Variants in CACNA1H observed in about 807,000 individuals in gnomAD.
CACNA1H encodes voltage-dependent T-type calcium channel subunit alpha-1H.
A neutral mutation model predicts 192.5 loss-of-function variants in CACNA1H; 149 were observed. The observed-to-expected ratio is 0.77, with a 90% CI of 0.68 to 0.89. CACNA1H has a LOEUF of 0.89. CACNA1H is among the 40% of genes least tolerant of loss of function. The pLI is 0.00. For synonymous variants in CACNA1H, 2,202 were observed against 1,475.2 expected, an observed-to-expected ratio of 1.49 and a Z score of -11.29; for missense variants, 4,257 against 3,423.5, an observed-to-expected ratio of 1.24 and a Z score of -6.08.
intron 2 of CACNA1H, among the ~76,000 whole-genome samples, chr16:1,172,101 G>A (rs941971871): frequency 1.2e-4 from 18 of 152,172 alleles, no homozygotes; most frequent in African/African-American, 4.1e-4. Context: ...AGACGTCACC[G>A]GGATGATGCT....
At chr16:1,200,164 C>T (rs1967656634) in intron 6 of CACNA1H, 92 bp from the exon 7 acceptor site, 3 of 1,053,598 alleles carry the variant, frequency 2.8e-6, no homozygotes, top group Non-Finnish European at 4.0e-6. Flanking sequence ...CGTCCCTGAC[C>T]TTGATCACGT....
In CACNA1H at chr16:1,206,986, T is replaced by A; in HGVS notation, c.2790-15T>A. On this transcript the variant is annotated splice_polypyrimidine_tract_variant and intron_variant, in intron 12 of 34. Transcript: ENST00000348261. ...CCTGCCTCCACCCTCAACACGCCCC[T>A]GCCCCCACCCTCAGCATCCTGGGCA... 7.7e-7 allele frequency: 1 copy of A among 1,302,046 alleles called. No individual in the cohort carries two copies. The highest frequency in any genetic ancestry group is 1.0e-6 in the Non-Finnish European group (1 of 984,106). 80.7% of individuals were successfully genotyped at this position (1,302,046 alleles called of 1,614,324 possible).
intron 16 of CACNA1H, 76 bp downstream of exon 16, chr16:1,208,297 A>G (rs1968997694): frequency 9.7e-7 from 1 of 1,029,936 alleles, no homozygotes. Context: ...CCTTCCCTGA[A>G]GATGAGTGAG....
intron 2 of CACNA1H, among the ~76,000 whole-genome samples, chr16:1,154,305 C>T (rs1962000531): frequency 1.3e-5 from 2 of 152,152 alleles, no homozygotes; most frequent in South Asian, 2.1e-4. Context: ...GGTGAGGCCC[C>T]CGCGGGCTTG....
rs757759305 is a variant in CACNA1H at position 1,207,434 on chromosome 16, AG to A, written c.3063+9del. Reference sequence around the variant, plus strand: ...CGTGGAGGGCTTCCAGGCGGAGGTGAGGGGGCAGGGAGAGGGGCTGCCAGGA... The same window carrying A: ...CGTGGAGGGCTTCCAGGCGGAGGTGAGGGGCAGGGAGAGGGGCTGCCAGGA... On this transcript the variant is annotated splice_donor_5th_base_variant and intron_variant, in intron 14 of 34. Transcript: ENST00000348261. The A allele has an allele frequency of 6.2e-6, 10 of 1,611,868 alleles. No individual in the cohort carries two copies. Among genetic ancestry groups the A allele is most frequent in the Admixed American group, 1.7e-5 (1 of 59,914 alleles).
rs369696168 is a variant in CACNA1H, at chr16:1,195,980, C to T, written c.600C>T (p.Thr200=). Residue 200 remains threonine, a synonymous_variant, in exon 5 of 35, where the codon ACC becomes ACT. Transcript: ENST00000348261. ...GHNVSLSAIR[T]VRVLRPLRAI... is the part of the protein sequence containing the mutation. ...ACGTGAGCCTCTCGGCTATCAGGAC[C>T]GTGCGGGTGCTGCGGCCCCTCCGCG... 2.9e-5 allele frequency: 47 copies of T among 1,612,970 alleles called. No homozygotes were observed. Among genetic ancestry groups the T allele is most frequent in the Non-Finnish European group, 3.3e-5 (39 of 1,179,836 alleles).
chr16:1,201,571 C>A, intron 8 of CACNA1H, 92 bp from the exon 9 acceptor site: 1 of 1,417,964 alleles, frequency 7.1e-7, no homozygotes, highest in Non-Finnish European at 9.5e-7. Flanking sequence ...TGTGACGCGG[C>A]CCCCACTCGA....
In CACNA1H at chr16:1,153,850, G is replaced by A; in HGVS notation, c.113G>A (p.Arg38His). The part of the protein sequence containing the change: ...ASPESPGAPG[R>H]EAERGSELGV... ...CCGGAGAGCCCCGGGGCGCCGGGAC[G>A]CGAGGCGGAGCGGGGGTCCGAGCTC... The change falls in exon 2 of 35, where the codon CGC becomes CAC. Residue 38 changes from arginine to histidine, a missense_variant. Physicochemically the swap from Arg to His is conservative, Grantham distance 29. Transcript: ENST00000348261. 7 of 1,328,848 alleles carry A rather than the reference G, an allele frequency of 5.3e-6. No individual in the cohort carries two copies. Among genetic ancestry groups the A allele is most frequent in the Non-Finnish European group, 5.8e-6 (6 of 1,040,642 alleles). 82.3% of individuals were successfully genotyped at this position (1,328,848 alleles called of 1,614,324 possible). A position where few individuals can be genotyped will look rare whatever the true frequency, so the allele number is the denominator to read the frequency against.
At position 1,211,746 on chromosome 16, in the gene CACNA1H, A is replaced by C; in HGVS notation, c.4507A>C (p.Lys1503Gln). The change falls in exon 24 of 35, where the codon AAG becomes CAG. Residue 1503 changes from lysine (K) to glutamine (Q), a missense_variant. Physicochemically the swap from Lys to Gln is moderately conservative, Grantham distance 53. Coordinates refer to ENST00000348261, the MANE Select transcript of CACNA1H (RefSeq NM_021098.3). ...ALMSLFVLSS[K>Q]DGWVNIMYDG... ...GATGTCGCTGTTCGTGCTGTCATCC[A>C]AGGATGGATGGGTGAACATCATGTA... is the stretch of plus-strand genomic sequence containing the variant. 1 of 1,612,652 alleles carries C rather than the reference A, an allele frequency of 6.2e-7. No individual in the cohort carries two copies. Among genetic ancestry groups the C allele is most frequent in the South Asian group, 1.1e-5 (1 of 91,090 alleles).
intron 2 of CACNA1H, among the ~76,000 whole-genome samples, chr16:1,193,716 A>C (rs1038084566): frequency 2.6e-5 from 4 of 152,202 alleles, no homozygotes; most frequent in Non-Finnish European, 5.9e-5. Flanking sequence ...ATGTAATTAC[A>C]TTGGTGGCCT....
chr16:1,174,936 G>T (rs1293353489), intron 2 of CACNA1H, among the ~76,000 whole-genome samples: 1 of 22,752 alleles, frequency 4.4e-5, no homozygotes, highest in Non-Finnish European at 9.0e-5. Context: ...CAACCCCCAC[G>T]TCCACCCCCC....
chr16:1,206,967 T>TCAACACGCCCCTGCCC (rs1567527844), intron 12 of CACNA1H, 34 bp from the exon 13 acceptor site: 1 of 888,362 alleles, frequency 1.1e-6, no homozygotes, highest in Admixed American at 3.0e-5. Flanking sequence ...CACCCCTGCC[T>TCAACACGCCCCTGCCC]CCACCCTCAA....
intron 29 of CACNA1H, 46 bp from the exon 30 acceptor site, chr16:1,215,477 A>G (rs753558592): frequency 6.3e-7 from 1 of 1,598,728 alleles, no homozygotes; most frequent in Non-Finnish European, 8.5e-7. Context: ...CCCGCGCAGC[A>G]GGGAGGGTCC....
rs541394188 is a variant in CACNA1H, at chr16:1,218,971, C to G, written c.5889C>G (p.Gly1963=). The G allele has an allele frequency of 4.5e-6, 7 of 1,549,924 alleles. No homozygotes were observed. In the African/African-American group the frequency reaches 5.5e-5, roughly 12 times the overall value. ...METYGAGTPL[G]SVASVHSPPA... ...AGCTTAGATTCTTCCCTGCCCCAGG[C>G]TCCGTTGCCTCTGTGCACTCTCCGC... is the stretch of plus-strand genomic sequence containing the variant. The change falls in exon 34 of 35, where the codon GGC becomes GGG. Residue 1963 remains glycine (G), a splice_region_variant and synonymous_variant. Coordinates refer to ENST00000348261, the MANE Select transcript of CACNA1H (RefSeq NM_021098.3).
At chr16:1,179,201 T>C (rs527826137) in intron 2 of CACNA1H, among the ~76,000 whole-genome samples, 17 of 152,312 alleles carry the variant, frequency 1.1e-4, no homozygotes, top group Non-Finnish European at 5.9e-5. Context: ...TGCTTTTATC[T>C]GACGCGCCTC....
chr16:1,198,299 C>T lies in CACNA1H; in HGVS notation c.644-316C>T, dbSNP rs997189416. ...GCCAGTCCCCTGCCTCCACTCCTGCCCCTCCACACCCCAGCCCTCCAAAAG... is the reference window on the plus strand; with the variant it reads ...GCCAGTCCCCTGCCTCCACTCCTGCTCCTCCACACCCCAGCCCTCCAAAAG... On this transcript the variant is annotated intron_variant, in intron 5 of 34. Coordinates refer to ENST00000348261, the MANE Select transcript of CACNA1H (RefSeq NM_021098.3). 7.2e-5 allele frequency among the ~76,000 whole-genome samples: 11 copies of T among 152,288 alleles called. No homozygotes were observed. The East Asian group carries it at 9.7e-4, about 13-fold the overall frequency.
chr16:1,194,897 C>G, intron 2 of CACNA1H, 75 bp from the exon 3 acceptor site: 2 of 1,094,498 alleles, frequency 1.8e-6, no homozygotes, highest in East Asian at 4.7e-5. Flanking sequence ...TCCGGCTGAC[C>G]GGGTGGGCAT....
intron 2 of CACNA1H, among the ~76,000 whole-genome samples, chr16:1,154,400 G>A (rs1185826127): frequency 6.6e-6 from 1 of 152,092 alleles, no homozygotes; most frequent in Non-Finnish European, 1.5e-5. Context: ...TTTCCCCCTT[G>A]CCCACCCCTC....
Position 1,220,602 on chromosome 16 carries a change from G to C in CACNA1H, c.6670G>C (p.Glu2224Gln). 1 of 1,559,622 alleles carries C rather than the reference G, an allele frequency of 6.4e-7. No individual in the cohort carries two copies. ...ACTGAGGCGCAGGACCCCGTCCTGT[G>C]AGGCCACGCCTCACAGGGACTCCCT... ...TTLRRRTPSCEATPHRDSLEP... is the reference protein window; with the variant it reads ...TTLRRRTPSCQATPHRDSLEP... Residue 2224 changes from glutamate to glutamine, a missense_variant, in exon 35 of 35, where the codon GAG (glutamate) becomes CAG (glutamine). Glu to Gln is a conservative substitution (Grantham distance 29). Coordinates refer to ENST00000348261, the MANE Select transcript of CACNA1H (RefSeq NM_021098.3).
Sources: gnomAD v4.1 joint callset for allele counts (sites outside exome capture counted in the v4.1 genomes callset) on GRCh38, gnomAD v4.1.1 for gene constraint, MANE v1.5 for transcripts, NCBI Gene and HGNC (gene_info 2026-07-23, HGNC 2026-07-21) for gene names.